Variants in KCNB2 observed in about 807,000 individuals in gnomAD.
The protein encoded by KCNB2 is delayed rectifier potassium channel protein.
In KCNB2, 15 loss-of-function variants were observed where a neutral mutation model predicts 61.5. The ratio of observed to expected loss-of-function variants is 0.24; its 90% CI spans 0.16 to 0.38. The LOEUF (loss-of-function observed/expected upper bound fraction) is 0.38. Ranked by LOEUF, KCNB2 falls within the 10% of genes least tolerant of loss-of-function variation. The pLI, the probability that KCNB2 is intolerant of heterozygous loss-of-function variation, is 1.00. For missense variants in KCNB2, 828 were observed against 1,125.2 expected (o/e 0.74, Z 3.78); for synonymous variants, 457 against 446.0 (o/e 1.02, Z -0.31).
intron 2 of KCNB2, among the ~76,000 whole-genome samples, chr8:72,823,856 A>ACC (rs1159307795): frequency 3.3e-5 from 5 of 152,038 alleles, no homozygotes; most frequent in African/African-American, 1.2e-4. Context: ...GTGTCCTGTC[A>ACC]CCCCGAGGGC....
intron 2 of KCNB2, chr8:72,881,660 G>A (rs971151634): frequency 6.0e-5 from 9 of 150,262 alleles, no homozygotes; most frequent in Non-Finnish European, 1.0e-4. Flanking sequence ...TCAGAAGTTA[G>A]ATGTTAATAT....
At chr8:72,902,842 C>A (rs1454903139) in intron 2 of KCNB2, among the ~76,000 whole-genome samples, 2 of 152,130 alleles carry the variant, frequency 1.3e-5, no homozygotes, top group Non-Finnish European at 2.9e-5. Flanking sequence ...TCTTTCCCTG[C>A]ATCTTATTTT....
intron 2 of KCNB2, among the ~76,000 whole-genome samples, chr8:72,866,723 T>A (rs1246150817): frequency 2.0e-5 from 3 of 152,234 alleles, no homozygotes; most frequent in Non-Finnish European, 4.4e-5. Context: ...ACAACTGCTA[T>A]GGGCACCTCT....
chr8:72,936,562 A>G lies in KCNB2; in HGVS notation c.1207A>G (p.Ile403Val), dbSNP rs769611178. ...LGKIVGGLCC[I>V]AGVLVIALPI... ...GAAAATTGTGGGAGGTCTGTGCTGT[A>G]TTGCTGGGGTTCTGGTTATTGCCCT... Residue 403 changes from isoleucine to valine, a missense_variant, in exon 3 of 3, where the codon ATT becomes GTT. Coordinates refer to ENST00000523207, the MANE Select transcript of KCNB2 (RefSeq NM_004770.3). The surrounding 1 kb of genome is among the most constrained non-coding windows in gnomAD (Gnocchi z 5.6). 1 of 1,614,152 alleles carries G rather than the reference A, an allele frequency of 6.2e-7. No homozygotes were observed. The highest frequency in any genetic ancestry group is 8.5e-7 in the Non-Finnish European group (1 of 1,180,026).
intron 2 of KCNB2, among the ~76,000 whole-genome samples, chr8:72,635,581 G>A (rs990238146): frequency 3.9e-5 from 6 of 152,104 alleles, no homozygotes; most frequent in African/African-American, 1.4e-4. Context: ...ATGTTCCTAG[G>A]CTTCAGTTTT....
rs980301488 is a variant in KCNB2, at chr8:72,917,372, A to T, written c.580-18563A>T. 7.0e-5 allele frequency among the ~76,000 whole-genome samples: 10 copies of T among 142,930 alleles called. No individual in the cohort carries two copies. The East Asian group carries it at 1.7e-3, about 25-fold the overall frequency. The allele number at this position is 142,930 out of a possible 152,430, so 93.8% of individuals were successfully genotyped here. On this transcript the variant is annotated intron_variant, in intron 2 of 2. Coordinates refer to ENST00000523207, the MANE Select transcript of KCNB2 (RefSeq NM_004770.3). ...CATTAATATGTGAGATATCACCCTT[A>T]TTATAATGTTCAGATGTTTTAAAAA...
At chr8:72,725,607 A>ATGTATGTATGTG (rs1563572127) in intron 2 of KCNB2, among the ~76,000 whole-genome samples, 1 of 123,310 alleles carries the variant, frequency 8.1e-6, no homozygotes, top group African/African-American at 3.7e-5. Context: ...ATATATATAT[A>ATGTATGTATGTG]TATATATATA....
chr8:72,573,865 G>A (rs767360431), intron 2 of KCNB2, among the ~76,000 whole-genome samples: 13 of 152,176 alleles, frequency 8.5e-5, no homozygotes, highest in Non-Finnish European at 1.8e-4. Flanking sequence ...TAGCATGCCA[G>A]TCACACTGTT....
intron 2 of KCNB2, chr8:72,749,451 T>C (rs1808145362): frequency 6.6e-6 from 1 of 151,932 alleles, no homozygotes. Context: ...GTGAAAAAAA[T>C]GATTTTTAGC....
chr8:72,822,514 C>T (rs1331176109), intron 2 of KCNB2, among the ~76,000 whole-genome samples: 1 of 152,194 alleles, frequency 6.6e-6, no homozygotes, highest in African/African-American at 2.4e-5. Context: ...GTCAGCATCT[C>T]TCACTCACTG....
intron 2 of KCNB2, among the ~76,000 whole-genome samples, chr8:72,588,733 T>C (rs761317401): frequency 2.5e-5 from 3 of 121,328 alleles, no homozygotes; most frequent in Non-Finnish European, 5.4e-5. Flanking sequence ...GTCTCTACAA[T>C]AAAAAATAAA....
intron 1 of KCNB2, among the ~76,000 whole-genome samples, chr8:72,561,708 T>TACAC (rs1672695308): frequency 1.9e-4 from 4 of 21,096 alleles, no homozygotes; most frequent in African/African-American, 1.1e-3. Flanking sequence ...TATATATATA[T>TACAC]ATATATATAT....
intron 2 of KCNB2, among the ~76,000 whole-genome samples, chr8:72,782,231 T>G (rs1808770805): frequency 6.6e-6 from 1 of 152,180 alleles, no homozygotes; most frequent in Non-Finnish European, 1.5e-5. Context: ...ATTCCTCATA[T>G]AGTGTTACTA....
chr8:72,755,998 T>G (rs1585874781), intron 2 of KCNB2, among the ~76,000 whole-genome samples: 1 of 152,180 alleles, frequency 6.6e-6, no homozygotes, highest in East Asian at 1.9e-4. Context: ...GCTGTACATA[T>G]GATGCTGCTT....
At chr8:72,638,396 C>T (rs1806001284) in intron 2 of KCNB2, among the ~76,000 whole-genome samples, 1 of 152,010 alleles carries the variant, frequency 6.6e-6, no homozygotes, top group African/African-American at 2.4e-5. Flanking sequence ...GGGCTATTTC[C>T]ACCTAGCACA....
intron 2 of KCNB2, among the ~76,000 whole-genome samples, chr8:72,679,019 T>C (rs1056456652): frequency 1.3e-5 from 2 of 152,162 alleles, no homozygotes; most frequent in African/African-American, 4.8e-5. Context: ...CATCACATGG[T>C]CAATGAATGA....
intron 2 of KCNB2, among the ~76,000 whole-genome samples, chr8:72,934,210 CA>C (rs1399705464): frequency 1.3e-5 from 2 of 151,348 alleles, no homozygotes; most frequent in African/African-American, 2.4e-5. Context: ...ACTAAAAATA[CA>C]AAAAAAATTA....
At chr8:72,613,687 G>A (rs1201321793) in intron 2 of KCNB2, among the ~76,000 whole-genome samples, 1 of 152,190 alleles carries the variant, frequency 6.6e-6, no homozygotes, top group Non-Finnish European at 1.5e-5. Flanking sequence ...GGTATCCGAT[G>A]ACCATATTCA....
chr8:72,597,522 A>T (rs532863980), intron 2 of KCNB2, among the ~76,000 whole-genome samples: 3 of 152,332 alleles, frequency 2.0e-5, no homozygotes, highest in African/African-American at 7.2e-5. Context: ...ATGGCTACTC[A>T]CTGGAAATAC....
Sources: gnomAD v4.1 joint callset for allele counts (sites outside exome capture counted in the v4.1 genomes callset) on GRCh38, gnomAD v4.1.1 for gene constraint, Gnocchi (gnomAD v3.1) non-coding constraint, MANE v1.5 for transcripts, NCBI Gene and HGNC (gene_info 2026-07-23, HGNC 2026-07-21) for gene names.